APCDD1: variants seen among roughly 807,000 people sequenced by gnomAD.
APCDD1 encodes the protein APC down-regulated 1, also known as protein APCDD1.
APCDD1 carries 15 observed loss-of-function variants against 38.1 expected under a neutral mutation model. The observed-to-expected ratio is 0.39, with a 90% confidence interval of 0.26 to 0.61. APCDD1 has a LOEUF of 0.61. APCDD1 is among the 20% of genes least tolerant of loss of function. The pLI, the probability that APCDD1 is intolerant of heterozygous loss-of-function variation, is 0.49. For missense variants in APCDD1, 647 were observed against 696.2 expected, an observed-to-expected ratio of 0.93 and a Z score of 0.79; for synonymous variants, 261 against 279.7, an observed-to-expected ratio of 0.93 and a Z score of 0.67.
intron 1 of APCDD1, among the ~76,000 whole-genome samples, chr18:10,457,089 G>T (rs1311802951): frequency 2.0e-5 from 3 of 152,172 alleles, no homozygotes; most frequent in Non-Finnish European, 4.4e-5. Flanking sequence ...ATCTGCAATG[G>T]CACAATTATT....
chr18:10,461,369 A>G lies in APCDD1; in HGVS notation c.58+6330A>G, dbSNP rs1311239926. Reference sequence around the variant, plus strand: ...AGAAACTACTCCCTTTGCCATAATAATTTTATCAGGGCCCAGACCATTGGA... The same window carrying G: ...AGAAACTACTCCCTTTGCCATAATAGTTTTATCAGGGCCCAGACCATTGGA... On this transcript the variant is annotated intron_variant, in intron 1 of 4. Coordinates refer to ENST00000355285, the MANE Select transcript of APCDD1 (RefSeq NM_153000.5). Among the ~76,000 whole-genome samples the G allele has an allele frequency of 2.0e-5, 3 of 152,280 alleles. No homozygotes were observed. In the East Asian group the frequency reaches 5.8e-4, roughly 29 times the overall value.
chr18:10,455,169 G>T, intron 1 of APCDD1, 130 bp downstream of exon 1: 2 of 1,395,862 alleles, frequency 1.4e-6, no homozygotes, highest in Non-Finnish European at 1.9e-6. Flanking sequence ...CGGGTCCGAG[G>T]GGAGCCCCGC....
intron 3 of APCDD1, among the ~76,000 whole-genome samples, chr18:10,484,247 T>A (rs1252639223): frequency 6.6e-6 from 1 of 152,200 alleles, no homozygotes; most frequent in South Asian, 2.1e-4. Context: ...AGTGTGCGCG[T>A]GTGCTTGCTG....
chr18:10,486,646 C>A (rs934702021), intron 4 of APCDD1, among the ~76,000 whole-genome samples: 1 of 152,132 alleles, frequency 6.6e-6, no homozygotes, highest in African/African-American at 2.4e-5. Flanking sequence ...GGAGCTGCAC[C>A]AGGCTGCTAG....
intron 1 of APCDD1, among the ~76,000 whole-genome samples, chr18:10,455,687 C>T (rs978453067): frequency 8.5e-5 from 13 of 152,182 alleles, no homozygotes; most frequent in African/African-American, 3.1e-4. Context: ...TCCCAATGTG[C>T]ACCCCAACTT....
In APCDD1 at chr18:10,471,572, C is replaced by T. The variant is rs757770933; in HGVS notation, c.285C>T (p.Tyr95=). Residue 95 remains tyrosine (Y), a synonymous_variant, in exon 3 of 5, where the codon TAC becomes TAT. Coordinates refer to ENST00000355285, the MANE Select transcript of APCDD1 (RefSeq NM_153000.5). This position sits in a 1 kb window ranked among gnomAD's most constrained non-coding sequence, Gnocchi z 5.5. Reference sequence around the variant, plus strand: ...GCCCAGAGTTCATCACAAGGTCCTACAGATTCTACCACAATAACACCTTCA... The same window carrying T: ...GCCCAGAGTTCATCACAAGGTCCTATAGATTCTACCACAATAACACCTTCA... ...RSGPEFITRS[Y]RFYHNNTFKA... 3 of 1,614,122 alleles carry T rather than the reference C, an allele frequency of 1.9e-6. No homozygotes were observed. Among genetic ancestry groups the T allele is most frequent in the Admixed American group, 1.7e-5 (1 of 60,010 alleles).
chr18:10,465,154 C>T (rs902220973), intron 1 of APCDD1, among the ~76,000 whole-genome samples: 8 of 152,146 alleles, frequency 5.3e-5, no homozygotes, highest in East Asian at 1.9e-4. Context: ...CCATCTTTTT[C>T]GTACTTTAAG....
chr18:10,485,383 C>T lies in APCDD1; in HGVS notation c.775-79C>T. On this transcript the variant is annotated intron_variant, in intron 3 of 4. Transcript: ENST00000355285. The surrounding 1 kb of genome is among the most constrained non-coding windows in gnomAD (Gnocchi z 5.8). ...GATGGTGATCTGGTGCCTGGTGAGACCCCATTTGCCGGAAGCATGTGTGCA... is the reference window on the plus strand; with the variant it reads ...GATGGTGATCTGGTGCCTGGTGAGATCCCATTTGCCGGAAGCATGTGTGCA... 6.6e-7 allele frequency: 1 copy of T among 1,510,360 alleles called. No individual in the cohort carries two copies. Among genetic ancestry groups the T allele is most frequent in the Non-Finnish European group, 9.1e-7 (1 of 1,095,602 alleles). The allele number at this position is 1,510,360 out of a possible 1,614,324, so 93.6% of individuals were successfully genotyped here.
At chr18:10,463,009 C>T (rs1485355698) in intron 1 of APCDD1, among the ~76,000 whole-genome samples, 1 of 152,102 alleles carries the variant, frequency 6.6e-6, no homozygotes, top group Admixed American at 6.5e-5. Context: ...CTTCACCTTT[C>T]CAGTGAAGTC....
At chr18:10,461,636 A>T (rs971607621) in intron 1 of APCDD1, among the ~76,000 whole-genome samples, 1 of 152,218 alleles carries the variant, frequency 6.6e-6, no homozygotes, top group African/African-American at 2.4e-5. Context: ...TATCATCATG[A>T]TCATTATGTT....
At position 10,488,995 on chromosome 18, in the gene APCDD1, C is replaced by G. The variant is rs964404078; in HGVS notation, c.*957C>G. 1.3e-5 allele frequency: 2 copies of G among 152,268 alleles called. No homozygotes were observed. Among genetic ancestry groups the G allele is most frequent in the African/African-American group, 4.8e-5 (2 of 41,458 alleles). 9.4% of individuals were successfully genotyped at this position (152,268 alleles called of 1,614,324 possible). ...AGAAGCTGCACTCTGGCATCCATGC[C>G]ACCTTCTAAGATGAACATGCAGAGA... On this transcript the variant is annotated 3_prime_UTR_variant, in exon 5 of 5. Coordinates refer to ENST00000355285, the MANE Select transcript of APCDD1 (RefSeq NM_153000.5).
chr18:10,463,415 TG>T (rs1408209304), intron 1 of APCDD1, among the ~76,000 whole-genome samples: 1 of 152,196 alleles, frequency 6.6e-6, no homozygotes, highest in Non-Finnish European at 1.5e-5. Flanking sequence ...AATTTGGAAT[TG>T]ACTTACTTCA....
chr18:10,464,311 A>ACACAC (rs2030647085), intron 1 of APCDD1, among the ~76,000 whole-genome samples: 1 of 146,996 alleles, frequency 6.8e-6, no homozygotes, highest in African/African-American at 2.5e-5. Context: ...CTTCAAAGTA[A>ACACAC]ACACACACAC....
At chr18:10,482,748 T>C (rs1598400526) in intron 3 of APCDD1, among the ~76,000 whole-genome samples, 3 of 152,238 alleles carry the variant, frequency 2.0e-5, no homozygotes, top group African/African-American at 7.2e-5. Flanking sequence ...CCAGCAGTTA[T>C]GCAGGAGCCC....
rs1473000937 is a variant in APCDD1, at chr18:10,470,107, G to A, written c.243-1423G>A. On this transcript the variant is annotated intron_variant, in intron 2 of 4. Coordinates refer to ENST00000355285, the MANE Select transcript of APCDD1 (RefSeq NM_153000.5). The surrounding 1 kb of genome is among the most constrained non-coding windows in gnomAD (Gnocchi z 4.1). ...GGTGACCAGTTAAAAGACCTTTGCAGCCGTTCTGGTTAGAGAGCACAGAGG... is the reference window on the plus strand; with the variant it reads ...GGTGACCAGTTAAAAGACCTTTGCAACCGTTCTGGTTAGAGAGCACAGAGG... 6.6e-6 allele frequency among the ~76,000 whole-genome samples: 1 copy of A among 152,226 alleles called. No homozygotes were observed. The highest frequency in any genetic ancestry group is 1.9e-4 in the East Asian group (1 of 5,196).
rs1190499989 is a variant in APCDD1, at chr18:10,488,855, G to A, written c.*817G>A. 1 of 152,192 alleles carries A rather than the reference G, an allele frequency of 6.6e-6. No individual in the cohort carries two copies. The highest frequency in any genetic ancestry group is 1.5e-5 in the Non-Finnish European group (1 of 68,070). The allele number at this position is 152,192 out of a possible 1,614,324, so 9.4% of individuals were successfully genotyped here. ...CTGTTACACAGGAGCAGTGACACGG[G>A]TGGCTGCAGTGTGGTACATGCCACA... On this transcript the variant is annotated 3_prime_UTR_variant, in exon 5 of 5. Transcript: ENST00000355285.
chr18:10,467,704 T>C lies in APCDD1; in HGVS notation c.59-765T>C, dbSNP rs511168. Among the ~76,000 whole-genome samples the C allele has an allele frequency of 6.6e-6, 1 of 151,982 alleles. No individual in the cohort carries two copies. The highest frequency in any genetic ancestry group is 2.4e-5 in the African/African-American group (1 of 41,352). ...CTGTATTGTATGTTTAGGTTATTTCTGGCCTTGTGAGGGTGAGGGGCTGGA... is the reference window on the plus strand; with the variant it reads ...CTGTATTGTATGTTTAGGTTATTTCCGGCCTTGTGAGGGTGAGGGGCTGGA... On this transcript the variant is annotated intron_variant, in intron 1 of 4. Coordinates refer to ENST00000355285, the MANE Select transcript of APCDD1 (RefSeq NM_153000.5). This position sits in a 1 kb window ranked among gnomAD's most constrained non-coding sequence, Gnocchi z 4.8.
chr18:10,483,518 T>C (rs1380884740), intron 3 of APCDD1, among the ~76,000 whole-genome samples: 1 of 152,228 alleles, frequency 6.6e-6, no homozygotes, highest in Non-Finnish European at 1.5e-5. Context: ...CGCAAGTTAG[T>C]GAGCAGCAGC....
At position 10,471,025 on chromosome 18, in the gene APCDD1, G is replaced by A. The variant is rs1189064847; in HGVS notation, c.243-505G>A. 6.6e-6 allele frequency among the ~76,000 whole-genome samples: 1 copy of A among 152,240 alleles called. No individual in the cohort carries two copies. The highest frequency in any genetic ancestry group is 1.5e-5 in the Non-Finnish European group (1 of 68,042). ...TCAGGATGACAGACATTTTGCACCT[G>A]CCTGCTGTAGACAAGGTCCATAAAA... On this transcript the variant is annotated intron_variant, in intron 2 of 4. Coordinates refer to ENST00000355285, the MANE Select transcript of APCDD1 (RefSeq NM_153000.5). This position sits in a 1 kb window ranked among gnomAD's most constrained non-coding sequence, Gnocchi z 5.5.
Sources: gnomAD v4.1 joint callset for allele counts (sites outside exome capture counted in the v4.1 genomes callset) on GRCh38, gnomAD v4.1.1 for gene constraint, Gnocchi (gnomAD v3.1) non-coding constraint, MANE v1.5 for transcripts, NCBI Gene and HGNC (gene_info 2026-07-23, HGNC 2026-07-21) for gene names.